PITPNC1: variants seen among roughly 807,000 people sequenced by gnomAD.
PITPNC1 encodes phosphatidylinositol transfer protein cytoplasmic 1, also known as cytoplasmic phosphatidylinositol transfer protein 1.
A neutral mutation model predicts 44.7 loss-of-function variants in PITPNC1; 18 were observed. The ratio of observed to expected loss-of-function variants is 0.40; its 90% confidence interval spans 0.28 to 0.60. The LOEUF (loss-of-function observed/expected upper bound fraction) is 0.60. Among genes scored for constraint, PITPNC1 ranks in the 20% least tolerant of loss-of-function variants. The probability of loss-of-function intolerance (pLI) is 0.39; values close to 1 mark genes in which losing one functional copy is unlikely to be tolerated. For missense variants in PITPNC1, 290 were observed against 418.4 expected (o/e 0.69, Z 2.68); for synonymous variants, 141 against 149.6 (o/e 0.94, Z 0.42).
chr17:67,542,109 T>C (rs2040617778), intron 2 of PITPNC1, among the ~76,000 whole-genome samples: 1 of 152,306 alleles, frequency 6.6e-6, no homozygotes, highest in African/African-American at 2.4e-5. Flanking sequence ...TATCAGTCAT[T>C]GATTGTCCTG....
intron 1 of PITPNC1, among the ~76,000 whole-genome samples, chr17:67,428,120 G>C (rs1487487144): frequency 6.6e-6 from 1 of 152,132 alleles, no homozygotes; most frequent in African/African-American, 2.4e-5. Context: ...TCAGCTTCTT[G>C]AGTGGCTGGC....
intron 1 of PITPNC1, among the ~76,000 whole-genome samples, chr17:67,421,521 G>A (rs577466764): frequency 2.0e-5 from 3 of 152,152 alleles, no homozygotes; most frequent in African/African-American, 7.2e-5. Context: ...GACCTCAGGT[G>A]ATCCACCTGC....
At chr17:67,653,467 T>A (rs2042230907) in intron 6 of PITPNC1, among the ~76,000 whole-genome samples, 2 of 152,216 alleles carry the variant, frequency 1.3e-5, no homozygotes. Context: ...ACACCTCGAT[T>A]TGGGGCTTCT....
intron 5 of PITPNC1, among the ~76,000 whole-genome samples, chr17:67,589,866 G>A (rs1004883479): frequency 2.6e-5 from 4 of 152,170 alleles, no homozygotes; most frequent in African/African-American, 4.8e-5. Flanking sequence ...TACTCGGGAG[G>A]CTGAAGCAGG....
At chr17:67,405,010 G>A (rs1314118721) in intron 1 of PITPNC1, among the ~76,000 whole-genome samples, 1 of 152,156 alleles carries the variant, frequency 6.6e-6, no homozygotes, top group African/African-American at 2.4e-5. Context: ...ACTTTGGGAG[G>A]CCGAGGCAGG....
chr17:67,627,136 C>T (rs1251209618), intron 5 of PITPNC1, among the ~76,000 whole-genome samples: 3 of 152,136 alleles, frequency 2.0e-5, no homozygotes, highest in East Asian at 1.9e-4. Flanking sequence ...GCCTGTAATC[C>T]CAGCTACTCA....
At chr17:67,378,359 T>C (rs2037902847) in intron 1 of PITPNC1, among the ~76,000 whole-genome samples, 157 bp downstream of exon 1, 4 of 151,928 alleles carry the variant, frequency 2.6e-5, no homozygotes, top group Admixed American at 2.0e-4. Flanking sequence ...GATTTGCGGC[T>C]TCCACTTGTC....
At chr17:67,501,117 C>T (rs377000312) in intron 1 of PITPNC1, among the ~76,000 whole-genome samples, 11 of 152,298 alleles carry the variant, frequency 7.2e-5, no homozygotes, top group East Asian at 5.8e-4. Flanking sequence ...TTGCCCACTG[C>T]AGGTCTAGGT....
At chr17:67,383,579 G>T (rs1163815950) in intron 1 of PITPNC1, among the ~76,000 whole-genome samples, 1 of 152,138 alleles carries the variant, frequency 6.6e-6, no homozygotes, top group Admixed American at 6.6e-5. Flanking sequence ...TGAGCGACCT[G>T]CTCACCAAGG....
intron 1 of PITPNC1, chr17:67,379,304 G>A: frequency 1.0e-6 from 1 of 985,364 alleles, no homozygotes; most frequent in African/African-American, 1.7e-5. Flanking sequence ...GAGGGGCGAT[G>A]TGCTTTGGGA....
chr17:67,402,299 G>C (rs1182069385), intron 1 of PITPNC1, among the ~76,000 whole-genome samples: 3 of 152,186 alleles, frequency 2.0e-5, no homozygotes, highest in Admixed American at 6.5e-5. Context: ...CCCATTTGTA[G>C]TTGGAGAGGC....
chr17:67,392,695 G>A (rs935671014), intron 1 of PITPNC1, among the ~76,000 whole-genome samples: 4 of 152,112 alleles, frequency 2.6e-5, no homozygotes, highest in African/African-American at 9.7e-5. Context: ...AGTCAAAGAT[G>A]TTTTGCTTTG....
chr17:67,380,818 G>A lies in PITPNC1; in HGVS notation c.48+2616G>A, dbSNP rs866724330. On this transcript the variant is annotated intron_variant, in intron 1 of 8. Coordinates refer to ENST00000581322, the MANE Select transcript of PITPNC1 (RefSeq NM_012417.4). Reference sequence around the variant, plus strand: ...AGACACGGTCTCGCTCTGTCATCCAGGCTGGAGTGCAGTGGCGTGATCCTA... The same window carrying A: ...AGACACGGTCTCGCTCTGTCATCCAAGCTGGAGTGCAGTGGCGTGATCCTA... Among the ~76,000 whole-genome samples, 4 of 151,852 alleles carry A rather than the reference G, an allele frequency of 2.6e-5. No individual in the cohort carries two copies. In the South Asian group the frequency reaches 8.3e-4, roughly 32 times the overall value.
At chr17:67,397,301 AAG>A (rs888166158) in intron 1 of PITPNC1, among the ~76,000 whole-genome samples, 3 of 151,946 alleles carry the variant, frequency 2.0e-5, no homozygotes, top group Admixed American at 2.0e-4. Context: ...TATTTTTTTA[AAG>A]AGAGAGTTCA....
intron 1 of PITPNC1, among the ~76,000 whole-genome samples, chr17:67,447,089 C>CAA (rs749024248): frequency 0.1 from 3,687 of 35,328 alleles, 805 homozygotes; most frequent in Non-Finnish European, 0.11. Context: ...GACTCTGTCT[C>CAA]AAAAAAAAAA....
intron 5 of PITPNC1, among the ~76,000 whole-genome samples, chr17:67,629,983 A>G (rs1423808592): frequency 1.3e-5 from 2 of 152,248 alleles, no homozygotes; most frequent in Non-Finnish European, 2.9e-5. Flanking sequence ...GAAGAGAAGA[A>G]CCACCAGCCG....
At chr17:67,557,596 T>C (rs1264213968) in intron 4 of PITPNC1, among the ~76,000 whole-genome samples, 4 of 152,118 alleles carry the variant, frequency 2.6e-5, no homozygotes, top group Non-Finnish European at 5.9e-5. Flanking sequence ...GGGATCCGGA[T>C]TTTTCTCTCT....
intron 1 of PITPNC1, among the ~76,000 whole-genome samples, chr17:67,464,013 G>A (rs942055890): frequency 5.9e-5 from 9 of 152,218 alleles, no homozygotes; most frequent in Admixed American, 3.9e-4. Flanking sequence ...GGCCAACACA[G>A]TGAAACCTCA....
intron 1 of PITPNC1, among the ~76,000 whole-genome samples, chr17:67,424,533 T>A (rs1192503922): frequency 6.6e-6 from 1 of 151,836 alleles, no homozygotes; most frequent in Admixed American, 6.6e-5. Context: ...GGTGGGCGCC[T>A]GTAATCCCAG....
Sources: gnomAD v4.1 joint callset for allele counts (sites outside exome capture counted in the v4.1 genomes callset) on GRCh38, gnomAD v4.1.1 for gene constraint, MANE v1.5 for transcripts, NCBI Gene and HGNC (gene_info 2026-07-23, HGNC 2026-07-21) for gene names.